Variants in NDRG1 observed in about 807,000 individuals in gnomAD.
NDRG1 encodes the protein N-myc downstream regulated 1, also known as protein NDRG1.
In NDRG1, 32 loss-of-function variants were observed where a neutral mutation model predicts 56.9. The ratio of observed to expected loss-of-function variants is 0.56; its 90% CI spans 0.42 to 0.76. The LOEUF (loss-of-function observed/expected upper bound fraction) is 0.76. Ranked by LOEUF, NDRG1 falls within the 30% of genes least tolerant of loss-of-function variation. NDRG1 has a pLI of 0.00. For missense variants in NDRG1, 507 were observed against 545.7 expected (o/e 0.93, Z 0.71); for synonymous variants, 211 against 204.1 (o/e 1.03, Z -0.29).
chr8:133,254,037 A>G (rs377159956), intron 9 of NDRG1, among the ~76,000 whole-genome samples: 1 of 151,672 alleles, frequency 6.6e-6, no homozygotes, highest in Admixed American at 6.6e-5. Flanking sequence ...TAACATGGAC[A>G]AATCTCAAAA....
chr8:133,242,073 G>T lies in NDRG1; in HGVS notation c.893C>A (p.Pro298Gln). 1 of 1,614,200 alleles carries T rather than the reference G, an allele frequency of 6.2e-7. No homozygotes were observed. Among genetic ancestry groups the T allele is most frequent in the Middle Eastern group, 1.6e-4 (1 of 6,062 alleles). The change falls in exon 15 of 16, where the codon CCG (proline) becomes CAG (glutamine). Residue 298 changes from proline to glutamine, a missense_variant and splice_region_variant. Pro to Gln is a moderately conservative substitution (Grantham distance 76). Coordinates refer to ENST00000323851, the MANE Select transcript of NDRG1 (RefSeq NM_006096.4). The stretch of plus-strand genomic sequence containing the variant: ...CTTGAAGGCCTCAGCGAGCTTGGCC[G>T]GCTGCGAGAGACAAGGAGAGAAAAT... Reference protein sequence around the residue: ...DCGGLPQISQPAKLAEAFKYF... With the variant: ...DCGGLPQISQQAKLAEAFKYF...
Position 133,280,259 on chromosome 8 carries a change from G to A in NDRG1, c.72C>T (p.Thr24=), listed in dbSNP as rs551078982. 6.1e-5 allele frequency: 98 copies of A among 1,614,086 alleles called. No homozygotes were observed. Among genetic ancestry groups the A allele is most frequent in the South Asian group, 4.6e-4 (42 of 91,072 alleles). ...KPLVEKGETI[T]GLLQEFDVQE... is the part of the protein sequence containing the mutation. ...GGACATCAAACTCTTGCAGGAGGCCGGTGATGGTCTGTGAAAAGACAAAAA... is the reference window on the plus strand; with the variant it reads ...GGACATCAAACTCTTGCAGGAGGCCAGTGATGGTCTGTGAAAAGACAAAAA... The change falls in exon 3 of 16, where the codon ACC becomes ACT. Residue 24 remains threonine (T), a synonymous_variant. Coordinates refer to ENST00000323851, the MANE Select transcript of NDRG1 (RefSeq NM_006096.4).
chr8:133,248,793 T>A (rs1261997791), intron 10 of NDRG1, 22 bp from the exon 11 acceptor site: 3 of 1,613,970 alleles, frequency 1.9e-6, no homozygotes, highest in Admixed American at 1.7e-5. Flanking sequence ...AAATGCATCA[T>A]TAGCATGAGG....
chr8:133,241,038 G>A (rs964364707), intron 15 of NDRG1: 1 of 152,248 alleles, frequency 6.6e-6, no homozygotes, highest in African/African-American at 2.4e-5. Flanking sequence ...CGCCTTGCTA[G>A]AGCTAATCAT....
At chr8:133,263,822 A>G (rs1856772734) in intron 4 of NDRG1, among the ~76,000 whole-genome samples, 1 of 152,026 alleles carries the variant, frequency 6.6e-6, no homozygotes, top group African/African-American at 2.4e-5. Flanking sequence ...AGGCTGAGGC[A>G]AAAGAATTGC....
chr8:133,241,781 C>T (rs1855395887), intron 15 of NDRG1: 2 of 595,316 alleles, frequency 3.4e-6, no homozygotes, highest in East Asian at 5.6e-5. Flanking sequence ...CTAAACCCCC[C>T]AAAATCCCTG....
intron 15 of NDRG1, 105 bp from the exon 16 acceptor site, chr8:133,239,224 G>C: frequency 6.6e-7 from 1 of 1,515,996 alleles, no homozygotes; most frequent in Admixed American, 2.0e-5. Flanking sequence ...CAGCCCCAGA[G>C]AAGACTTGAT....
At chr8:133,296,457 C>T (rs1417867376) in intron 1 of NDRG1, 12 of 455,796 alleles carry the variant, frequency 2.6e-5, no homozygotes, top group African/African-American at 2.0e-5. Context: ...GCGTGTTGCA[C>T]TGTGACACAC....
At chr8:133,294,896 G>C (rs113767393) in intron 1 of NDRG1, among the ~76,000 whole-genome samples, 1 of 152,198 alleles carries the variant, frequency 6.6e-6, no homozygotes, top group African/African-American at 2.4e-5. Context: ...AATCCTGCCA[G>C]GAACCCTTTC....
intron 1 of NDRG1, among the ~76,000 whole-genome samples, chr8:133,292,347 C>T (rs1477043398): frequency 6.6e-6 from 1 of 152,176 alleles, no homozygotes; most frequent in South Asian, 2.1e-4. Flanking sequence ...CCGGAATGGG[C>T]CTCCGATCTT....
chr8:133,266,235 G>A (rs1027398042), intron 3 of NDRG1, among the ~76,000 whole-genome samples: 3 of 152,246 alleles, frequency 2.0e-5, no homozygotes, highest in African/African-American at 7.2e-5. Flanking sequence ...CCCGCAAGCG[G>A]CGCACACTCA....
chr8:133,273,146 T>A (rs1406813450), intron 3 of NDRG1, among the ~76,000 whole-genome samples: 1 of 132,646 alleles, frequency 7.5e-6, no homozygotes, highest in Non-Finnish European at 1.6e-5. Flanking sequence ...TCAGCTCATT[T>A]CCCACAGAGC....
intron 12 of NDRG1, among the ~76,000 whole-genome samples, chr8:133,247,609 C>A (rs879671635): frequency 6.6e-6 from 1 of 152,210 alleles, no homozygotes; most frequent in Non-Finnish European, 1.5e-5. Flanking sequence ...GGCAAACATG[C>A]CCATATAAAC....
At position 133,284,370 on chromosome 8, in the gene NDRG1, G is replaced by A. The variant is rs777570492; in HGVS notation, c.-18-41C>T. 43 of 1,599,728 alleles carry A rather than the reference G, an allele frequency of 2.7e-5. No individual in the cohort carries two copies. In the African/African-American group the frequency reaches 4.3e-4, roughly 16 times the overall value. ...GGCCAAAAGGTCAACACTTCCTGCTGAGAGGTTTCCTAAAGGAAGCAAATC... is the reference window on the plus strand; with the variant it reads ...GGCCAAAAGGTCAACACTTCCTGCTAAGAGGTTTCCTAAAGGAAGCAAATC... On this transcript the variant is annotated intron_variant, in intron 1 of 15. Transcript: ENST00000323851.
chr8:133,273,935 C>T (rs1403351538), intron 3 of NDRG1, among the ~76,000 whole-genome samples: 1 of 152,154 alleles, frequency 6.6e-6, no homozygotes, highest in Admixed American at 6.5e-5. Context: ...AACACAATTG[C>T]CTAAAACCTG....
At chr8:133,254,498 G>A in intron 9 of NDRG1, 41 bp downstream of exon 9, 1 of 1,610,752 alleles carries the variant, frequency 6.2e-7, no homozygotes, top group Non-Finnish European at 8.5e-7. Context: ...ACAATGCCTT[G>A]CTCAGCAGGA....
At chr8:133,283,254 A>G (rs773583758) in intron 2 of NDRG1, among the ~76,000 whole-genome samples, 1 of 152,230 alleles carries the variant, frequency 6.6e-6, no homozygotes, top group Non-Finnish European at 1.5e-5. Flanking sequence ...GTCGGCGGAG[A>G]AGCAGGCATG....
chr8:133,267,728 G>A (rs973212392), intron 3 of NDRG1, among the ~76,000 whole-genome samples: 35 of 152,138 alleles, frequency 2.3e-4, no homozygotes, highest in Admixed American at 1.4e-3. Context: ...TGTCCCCACC[G>A]CCACGGACAT....
At chr8:133,248,888 T>A (rs1166563855) in intron 10 of NDRG1, 117 bp from the exon 11 acceptor site, 2 of 1,121,538 alleles carry the variant, frequency 1.8e-6, no homozygotes, top group African/African-American at 3.1e-5. Context: ...GCTACCCACA[T>A]CCCCAACTTG....
Sources: allele counts gnomAD v4.1 joint callset (sites outside exome capture counted in the v4.1 genomes callset), GRCh38; gene constraint gnomAD v4.1.1; transcripts MANE v1.5; gene names NCBI Gene and HGNC (gene_info 2026-07-23, HGNC 2026-07-21).